EPB41: variants seen among roughly 807,000 people sequenced by gnomAD.
The protein encoded by EPB41 is protein 4.1.
A neutral mutation model predicts 108.0 loss-of-function variants in EPB41; 65 were observed. The ratio of observed to expected loss-of-function variants is 0.60; its 90% CI spans 0.49 to 0.74. The LOEUF is 0.74. Ranked by LOEUF, EPB41 falls within the 30% of genes least tolerant of loss-of-function variation. The pLI, the probability that EPB41 is intolerant of heterozygous loss-of-function variation, is 0.00. For missense variants in EPB41, 875 were observed against 1,037.0 expected, an observed-to-expected ratio of 0.84 and a Z score of 2.15; for synonymous variants, 336 against 358.9, an observed-to-expected ratio of 0.94 and a Z score of 0.72.
rs779533707 is a variant in EPB41, at chr1:29,097,947, T to A, written c.2313+12T>A. ...ATGAGGCTGCCCAGGTAGGACATGT[T>A]TTGATGCTTCAGAACCAAAGGCTGC... On this transcript the variant is annotated intron_variant, in intron 17 of 20. Coordinates refer to ENST00000343067, the MANE Select transcript of EPB41 (RefSeq NM_001376013.1). 1 of 1,613,980 alleles carries A rather than the reference T, an allele frequency of 6.2e-7. No homozygotes were observed. Among genetic ancestry groups the A allele is most frequent in the Non-Finnish European group, 8.5e-7 (1 of 1,179,862 alleles).
intron 11 of EPB41, among the ~76,000 whole-genome samples, chr1:29,052,256 C>G (rs1436815278): frequency 6.6e-6 from 1 of 152,202 alleles, no homozygotes; most frequent in Non-Finnish European, 1.5e-5. Context: ...AGCCTCTATG[C>G]ACTGGATGCC....
At chr1:28,924,007 G>A (rs1051469877) in intron 1 of EPB41, among the ~76,000 whole-genome samples, 1 of 152,138 alleles carries the variant, frequency 6.6e-6, no homozygotes, top group Admixed American at 6.5e-5. Context: ...ATAAAATACT[G>A]TGGCTTCTCT....
chr1:28,933,264 G>C (rs1435293219), intron 1 of EPB41, among the ~76,000 whole-genome samples: 3 of 152,198 alleles, frequency 2.0e-5, no homozygotes, highest in Non-Finnish European at 4.4e-5. Context: ...GATAGGAAGA[G>C]AGAAATAAGT....
chr1:28,919,465 C>CT (rs1279497462), intron 1 of EPB41, among the ~76,000 whole-genome samples: 1 of 151,710 alleles, frequency 6.6e-6, no homozygotes, highest in African/African-American at 2.4e-5. Flanking sequence ...AAAGTCCTTT[C>CT]TTTCTTTTTT....
chr1:29,076,770 C>T lies in EPB41; in HGVS notation c.2184+11612C>T, dbSNP rs75640799. Among the ~76,000 whole-genome samples the T allele has an allele frequency of 9.8e-3, 1,487 of 152,226 alleles. 21 individuals carry two copies. Among genetic ancestry groups the T allele is most frequent in the Middle Eastern group, 0.044 (13 of 294 alleles). On this transcript the variant is annotated intron_variant, in intron 16 of 20. Coordinates refer to ENST00000343067, the MANE Select transcript of EPB41 (RefSeq NM_001376013.1). ...GGTAAGAGGCTCTTTAGGCCAAGCA[C>T]GGTGGCTCATGCCTGTAGTCCCACT...
chr1:29,095,812 G>A (rs1324818523), intron 16 of EPB41, among the ~76,000 whole-genome samples: 1 of 152,038 alleles, frequency 6.6e-6, no homozygotes, highest in African/African-American at 2.4e-5. Context: ...TGCACAAATT[G>A]CATTGTGTCC....
chr1:28,989,498 AT>A, intron 2 of EPB41: 1 of 549,334 alleles, frequency 1.8e-6, no homozygotes, highest in Non-Finnish European at 2.3e-6. Flanking sequence ...ACATGTTTCT[AT>A]TATAGGTCTG....
At chr1:29,022,582 A>T (rs1317076757) in intron 7 of EPB41, among the ~76,000 whole-genome samples, 1 of 150,996 alleles carries the variant, frequency 6.6e-6, no homozygotes, top group Admixed American at 6.6e-5. Flanking sequence ...TTAGCCAGGC[A>T]TGGTGGTGGG....
intron 17 of EPB41, among the ~76,000 whole-genome samples, chr1:29,102,132 A>T (rs1216545266): frequency 6.6e-6 from 1 of 152,240 alleles, no homozygotes; most frequent in Non-Finnish European, 1.5e-5. Flanking sequence ...GGATATAGGA[A>T]ATAATTACTT....
intron 9 of EPB41, 49 bp from the exon 10 acceptor site, chr1:29,035,777 T>C (rs908358061): frequency 2.3e-6 from 3 of 1,314,426 alleles, no homozygotes; most frequent in Non-Finnish European, 3.3e-6. Flanking sequence ...AATCTGGTAC[T>C]GTATCACATG....
At chr1:29,111,480 C>A (rs1020934918) in intron 18 of EPB41, among the ~76,000 whole-genome samples, 1 of 151,654 alleles carries the variant, frequency 6.6e-6, no homozygotes, top group Non-Finnish European at 1.5e-5. Flanking sequence ...CAAAAAACCC[C>A]GTCTCTACTA....
intron 14 of EPB41, among the ~76,000 whole-genome samples, chr1:29,059,604 C>T (rs1330645002): frequency 1.3e-5 from 2 of 151,792 alleles, no homozygotes; most frequent in Non-Finnish European, 2.9e-5. Flanking sequence ...AGGGAGACCC[C>T]ATCTCTTCAA....
intron 1 of EPB41, among the ~76,000 whole-genome samples, chr1:28,889,585 GCAGGAACATC>G: frequency 6.6e-6 from 1 of 152,378 alleles, no homozygotes; most frequent in East Asian, 1.9e-4. Context: ...GCCGTGCTGG[GCAGGAACATC>G]CATCTGGCTA....
Position 29,109,529 on chromosome 1 carries a change from A to C in EPB41, c.2415+92A>C, listed in dbSNP as rs909587895. On this transcript the variant is annotated intron_variant, in intron 18 of 20. Coordinates refer to ENST00000343067, the MANE Select transcript of EPB41 (RefSeq NM_001376013.1). ...CAAGAAGGACCCTAGTCCATAAGCA[A>C]ATATTTTCAGCTCCATCCCTAGTAA... 5.0e-5 allele frequency: 53 copies of C among 1,054,868 alleles called. No individual in the cohort carries two copies. The East Asian group carries it at 7.7e-4, about 15-fold the overall frequency. The allele number at this position is 1,054,868 out of a possible 1,614,324, so 65.3% of individuals were successfully genotyped here.
At chr1:28,957,791 C>T (rs1404610778) in intron 1 of EPB41, among the ~76,000 whole-genome samples, 1 of 152,120 alleles carries the variant, frequency 6.6e-6, no homozygotes, top group African/African-American at 2.4e-5. Flanking sequence ...AAATCAATTT[C>T]AGTGAAGTTT....
At chr1:29,051,055 G>C (rs954506211) in intron 11 of EPB41, among the ~76,000 whole-genome samples, 1 of 146,604 alleles carries the variant, frequency 6.8e-6, no homozygotes, top group Admixed American at 6.9e-5. Context: ...AATTATGACA[G>C]AGTAATGAGC....
Position 29,115,839 on chromosome 1 carries a change from C to A in EPB41, c.*6+36C>A. On this transcript the variant is annotated intron_variant, in intron 20 of 20. Transcript: ENST00000343067. The surrounding 1 kb of genome is among the most constrained non-coding windows in gnomAD (Gnocchi z 4.4). The stretch of plus-strand genomic sequence containing the variant: ...TTCCTGCTGGGGCTGAGGGTGCCCA[C>A]AGTCCCAGCCTGAGAGGGCTCTGGA... 1 of 1,521,448 alleles carries A rather than the reference C, an allele frequency of 6.6e-7. No individual in the cohort carries two copies. Among genetic ancestry groups the A allele is most frequent in the Non-Finnish European group, 9.1e-7 (1 of 1,096,594 alleles). The allele number at this position is 1,521,448 out of a possible 1,614,324, so 94.2% of individuals were successfully genotyped here.
At chr1:28,982,632 C>G in intron 1 of EPB41, 1 of 1,055,392 alleles carries the variant, frequency 9.5e-7, no homozygotes, top group Admixed American at 1.7e-5. Flanking sequence ...CCACTCGGGC[C>G]TACAGCAAAA....
At chr1:29,043,774 A>G (rs1386822369) in intron 11 of EPB41, among the ~76,000 whole-genome samples, 1 of 152,236 alleles carries the variant, frequency 6.6e-6, no homozygotes, top group Non-Finnish European at 1.5e-5. Flanking sequence ...TGACAGCTGA[A>G]TAGTCCATTG....
Sources: allele counts gnomAD v4.1 joint callset (sites outside exome capture counted in the v4.1 genomes callset), GRCh38; gene constraint gnomAD v4.1.1; non-coding constraint Gnocchi (gnomAD v3.1); transcripts MANE v1.5; gene names NCBI Gene and HGNC (gene_info 2026-07-23, HGNC 2026-07-21).